The following ACE variants were observed in gnomAD, a reference collection of about 807,000 sequenced individuals.
The protein encoded by ACE is angiotensin I converting enzyme.
Under a neutral mutation model 162.3 loss-of-function variants are expected in ACE, and 122 were observed. The observed-to-expected ratio is 0.75, with a 90% CI of 0.65 to 0.87. The LOEUF (loss-of-function observed/expected upper bound fraction) is 0.87, where lower values mean the gene tolerates loss of function less well. Ranked by LOEUF, ACE falls within the 40% of genes least tolerant of loss-of-function variation. The pLI is 0.00. For synonymous variants in ACE, 796 were observed against 720.6 expected (o/e 1.10, Z -1.68); for missense variants, 1,799 against 1,735.1 (o/e 1.04, Z -0.65).
intron 2 of ACE, 51 bp from the exon 3 acceptor site, chr17:63,478,956 A>G: frequency 6.7e-7 from 1 of 1,489,616 alleles, no homozygotes; most frequent in Non-Finnish European, 9.3e-7. Flanking sequence ...AGGGGAGGGC[A>G]GATGTCCCAG....
rs1443267419 is a variant in ACE, at chr17:63,481,707, G to A, written c.1087G>A (p.Ala363Thr). Residue 363 changes from alanine to threonine, a missense_variant, in exon 7 of 25, where the codon GCT (alanine) becomes ACT (threonine). Ala to Thr is a moderately conservative substitution (Grantham distance 58). Coordinates refer to ENST00000290866, the MANE Select transcript of ACE (RefSeq NM_000789.4). ...GCGGGAAGTGGTGTGCCACGCCTCG[G>A]CTTGGGACTTCTACAACAGGAAAGA... ...DGREVVCHAS[A>T]WDFYNRKDFR... The A allele has an allele frequency of 1.2e-6, 2 of 1,614,206 alleles. No individual in the cohort carries two copies. Among genetic ancestry groups the A allele is most frequent in the Non-Finnish European group, 8.5e-7 (1 of 1,180,040 alleles).
In ACE at chr17:63,479,902, C is replaced by T; in HGVS notation, c.645C>T (p.Tyr215=). 1.2e-6 allele frequency: 2 copies of T among 1,610,752 alleles called. No homozygotes were observed. Among genetic ancestry groups the T allele is most frequent in the Non-Finnish European group, 1.7e-6 (2 of 1,179,786 alleles). The change falls in exon 4 of 25, where the codon TAC becomes TAT. Residue 215 remains tyrosine, a synonymous_variant. Coordinates refer to ENST00000290866, the MANE Select transcript of ACE (RefSeq NM_000789.4). ...EDFTALSNEA[Y]KQDGFTDTGA... ...TCACTGCCCTCAGCAATGAAGCCTACAAGCAGGACGGTGAGCAGGCCTCTC... is the reference window on the plus strand; with the variant it reads ...TCACTGCCCTCAGCAATGAAGCCTATAAGCAGGACGGTGAGCAGGCCTCTC...
At position 63,483,568 on chromosome 17, in the gene ACE, C is replaced by CA; in HGVS notation, c.1586+10_1586+11insA. 1 of 1,585,822 alleles carries CA rather than the reference C, an allele frequency of 6.3e-7. No homozygotes were observed. ...TGACACCATACATCAGGTATTAGCG[C>CA]CCCCACCCCACCCACCCCCAGTACT... On this transcript the variant is annotated intron_variant, in intron 10 of 24. Transcript: ENST00000290866.
rs970456274 is a variant in ACE, at chr17:63,498,163, A to G, written c.*797A>G. ...CACTGCCAGTGCAGAGGGGCCTCAGACGCTGGAGTGTAGCAGTGGCTGCAC... is the reference window on the plus strand; with the variant it reads ...CACTGCCAGTGCAGAGGGGCCTCAGGCGCTGGAGTGTAGCAGTGGCTGCAC... On this transcript the variant is annotated 3_prime_UTR_variant, in exon 25 of 25. Coordinates refer to ENST00000290866, the MANE Select transcript of ACE (RefSeq NM_000789.4). The G allele has an allele frequency of 1.3e-5, 2 of 152,720 alleles. No homozygotes were observed. The highest frequency in any genetic ancestry group is 2.4e-5 in the African/African-American group (1 of 41,452). 9.5% of individuals were successfully genotyped at this position (152,720 alleles called of 1,614,324 possible).
chr17:63,481,259 G>A (rs546593737), intron 6 of ACE, 71 bp downstream of exon 6: 52 of 1,411,904 alleles, frequency 3.7e-5, no homozygotes, highest in Non-Finnish European at 5.1e-5. Context: ...GTCACAGATG[G>A]GCACAGGGGC....
chr17:63,479,708 A>C (rs2049674973), intron 3 of ACE, 61 bp from the exon 4 acceptor site: 7 of 1,603,206 alleles, frequency 4.4e-6, no homozygotes, highest in Middle Eastern at 3.3e-4. Flanking sequence ...GGCTCTGGTG[A>C]AGGCCGTTGA....
chr17:63,485,692 A>G (rs573560698), intron 13 of ACE: 4 of 366,842 alleles, frequency 1.1e-5, no homozygotes, highest in African/African-American at 4.3e-5. Context: ...GGAGAATGGC[A>G]TGAACCCGGG....
intron 22 of ACE, 29 bp from the exon 23 acceptor site, chr17:63,496,365 C>T (rs1016624475): frequency 1.2e-6 from 2 of 1,613,884 alleles, no homozygotes; most frequent in African/African-American, 1.3e-5. Context: ...ACCAACTCCG[C>T]CCCGGGCCAC....
At position 63,484,256 on chromosome 17, in the gene ACE, G is replaced by T; in HGVS notation, c.1710-74G>T. The T allele has an allele frequency of 8.0e-6, 12 of 1,496,146 alleles. No individual in the cohort carries two copies. Among genetic ancestry groups the T allele is most frequent in the South Asian group, 3.6e-5 (3 of 83,602 alleles). The allele number at this position is 1,496,146 out of a possible 1,614,324, so 92.7% of individuals were successfully genotyped here. ...CATTGGGGGGCGGAAGTGGCCAGGG[G>T]CATGTGGGCCGGGGTCCAGGAGCAG... On this transcript the variant is annotated intron_variant, in intron 11 of 24. Transcript: ENST00000290866. This position sits in a 1 kb window ranked among gnomAD's most constrained non-coding sequence, Gnocchi z 4.0.
chr17:63,494,535 G>A (rs2030610100), intron 22 of ACE, 65 bp downstream of exon 22: 15 of 1,422,886 alleles, frequency 1.1e-5, no homozygotes, highest in South Asian at 7.0e-5. Context: ...TTTCAACTGC[G>A]GCCACTGCCC....
chr17:63,484,316 A>G lies in ACE; in HGVS notation c.1710-14A>G. ...TGAGTCCCCTGTGCCCATGGTACCCACTCTGCCCACCAGGAAGGTGCTGCA... is the reference window on the plus strand; with the variant it reads ...TGAGTCCCCTGTGCCCATGGTACCCGCTCTGCCCACCAGGAAGGTGCTGCA... On this transcript the variant is annotated splice_polypyrimidine_tract_variant and intron_variant, in intron 11 of 24. Coordinates refer to ENST00000290866, the MANE Select transcript of ACE (RefSeq NM_000789.4). This position sits in a 1 kb window ranked among gnomAD's most constrained non-coding sequence, Gnocchi z 4.0. 1 of 1,607,222 alleles carries G rather than the reference A, an allele frequency of 6.2e-7. No individual in the cohort carries two copies.
chr17:63,496,297 A>G, intron 22 of ACE, 97 bp from the exon 23 acceptor site: 1 of 1,560,698 alleles, frequency 6.4e-7, no homozygotes, highest in Non-Finnish European at 8.8e-7. Context: ...CATGTGACTT[A>G]GCACACATCA....
At position 63,483,567 on chromosome 17, in the gene ACE, G is replaced by GCGGGGGGGGGCCCCCCCCCCCCCCCCCC; in HGVS notation, c.1586+10_1586+11insGGGGGGGGGCCCCCCCCCCCCCCCCCCC. On this transcript the variant is annotated intron_variant, in intron 10 of 24. Coordinates refer to ENST00000290866, the MANE Select transcript of ACE (RefSeq NM_000789.4). ...GTGACACCATACATCAGGTATTAGCGCCCCCACCCCACCCACCCCCAGTAC... is the reference window on the plus strand; with the variant it reads ...GTGACACCATACATCAGGTATTAGCGCGGGGGGGGGCCCCCCCCCCCCCCCCCCCCCCCACCCCACCCACCCCCAGTAC... 3.1e-6 allele frequency: 5 copies of GCGGGGGGGGGCCCCCCCCCCCCCCCCCC among 1,589,382 alleles called. No individual in the cohort carries two copies. Among genetic ancestry groups the GCGGGGGGGGGCCCCCCCCCCCCCCCCCC allele is most frequent in the Non-Finnish European group, 2.6e-6 (3 of 1,165,576 alleles).
intron 22 of ACE, among the ~76,000 whole-genome samples, chr17:63,495,599 A>T (rs2030677262): frequency 6.6e-6 from 1 of 152,178 alleles, no homozygotes; most frequent in Non-Finnish European, 1.5e-5. Flanking sequence ...CAGAGATGAC[A>T]CTTAGGACAG....
Position 63,493,678 on chromosome 17 carries a change from G to A in ACE, c.3136+19G>A. On this transcript the variant is annotated intron_variant, in intron 20 of 24. Coordinates refer to ENST00000290866, the MANE Select transcript of ACE (RefSeq NM_000789.4). ...AGCGACGGTGAGAGAGAAGCGGGAG[G>A]CCCTGGTGGGCTGAGGACCAAGAAA... The A allele has an allele frequency of 6.2e-7, 1 of 1,612,622 alleles. No individual in the cohort carries two copies. The highest frequency in any genetic ancestry group is 1.1e-5 in the South Asian group (1 of 90,890).
chr17:63,480,648 G>T, intron 5 of ACE, 120 bp downstream of exon 5: 4 of 1,091,916 alleles, frequency 3.7e-6, no homozygotes, highest in African/African-American at 1.5e-5. Context: ...CATGTGTGGG[G>T]CATCATACTG....
rs1251602237 is a variant in ACE, at chr17:63,490,966, C to T, written c.2654C>T (p.Ala885Val). ...IPAHLLGNMW[A>V]QTWSNIYDLV... Reference sequence around the variant, plus strand: ...CACTCGCCTCCAGGGAACATGTGGGCGCAGACCTGGTCCAACATCTATGAC... The same window carrying T: ...CACTCGCCTCCAGGGAACATGTGGGTGCAGACCTGGTCCAACATCTATGAC... The change falls in exon 18 of 25, where the codon GCG becomes GTG. Residue 885 changes from alanine (A) to valine (V), a missense_variant. Transcript: ENST00000290866. The T allele has an allele frequency of 2.1e-5, 34 of 1,614,082 alleles. No individual in the cohort carries two copies. Among genetic ancestry groups the T allele is most frequent in the Admixed American group, 3.3e-5 (2 of 60,018 alleles).
At chr17:63,490,678 G>A in intron 17 of ACE, 3 of 489,398 alleles carry the variant, frequency 6.1e-6, no homozygotes, top group Non-Finnish European at 1.1e-5. Flanking sequence ...GCAGTTGCTA[G>A]TCACATTGGT....
At position 63,484,948 on chromosome 17, in the gene ACE, C is replaced by T. The variant is rs4316; in HGVS notation, c.1922-288C>T. The stretch of plus-strand genomic sequence containing the variant: ...GCTACGGGCACCCTCTGCTGGTCCC[C>T]AGCCAGGAGGCATCCCAACAGGTGA... On this transcript the variant is annotated intron_variant, in intron 12 of 24. Coordinates refer to ENST00000290866, the MANE Select transcript of ACE (RefSeq NM_000789.4). This position sits in a 1 kb window ranked among gnomAD's most constrained non-coding sequence, Gnocchi z 4.0. 758,064 of 1,597,562 alleles carry T rather than the reference C, an allele frequency of 0.47. 182,094 individuals are homozygous for T. Among genetic ancestry groups the T allele is most frequent in the East Asian group, 0.65 (28,691 of 44,104 alleles).
Sources: allele counts gnomAD v4.1 joint callset (sites outside exome capture counted in the v4.1 genomes callset), GRCh38; gene constraint gnomAD v4.1.1; non-coding constraint Gnocchi (gnomAD v3.1); transcripts MANE v1.5; gene names NCBI Gene and HGNC (gene_info 2026-07-23, HGNC 2026-07-21).